CANX: variants seen among roughly 807,000 people sequenced by gnomAD.
The protein encoded by CANX is epididymis secretory sperm binding protein.
Under a neutral mutation model 75.7 loss-of-function variants are expected in CANX, and 14 were observed. The ratio of observed to expected loss-of-function variants is 0.19; its 90% confidence interval spans 0.12 to 0.29. CANX has a LOEUF of 0.29. Ranked by LOEUF, CANX falls within the 10% of genes least tolerant of loss-of-function variation. The pLI is 1.00. For missense variants in CANX, 567 were observed against 713.2 expected, an observed-to-expected ratio of 0.79 and a Z score of 2.34; for synonymous variants, 227 against 236.9, an observed-to-expected ratio of 0.96 and a Z score of 0.38.
rs1777424005 is a variant in CANX, at chr5:179,710,007, G to T, written c.663G>T (p.Arg221Ser). The T allele has an allele frequency of 1.2e-6, 2 of 1,612,360 alleles. No homozygotes were observed. Among genetic ancestry groups the T allele is most frequent in the African/African-American group, 1.3e-5 (1 of 74,802 alleles). The change falls in exon 7 of 15, where the codon AGG becomes AGT. Residue 221 changes from arginine to serine, a missense_variant. By Grantham distance (110) the Arg-to-Ser change is moderately radical. Transcript: ENST00000247461. The stretch of plus-strand genomic sequence containing the variant: ...TCTATGAAGAAAAACATGCTAAGAG[G>T]CCAGATGCAGATCTGAAGACCTATT... ...TGIYEEKHAK[R>S]PDADLKTYFT...
At chr5:179,705,989 A>G in intron 2 of CANX, 137 bp downstream of exon 2, 2 of 676,270 alleles carry the variant, frequency 3.0e-6, no homozygotes, top group Non-Finnish European at 5.1e-6. Flanking sequence ...TTGGCAACAC[A>G]GGGAGATATC....
rs1249521943 is a variant in CANX at position 179,706,279 on chromosome 5, C to G, written c.193C>G (p.Pro65Ala). 2 of 1,595,710 alleles carry G rather than the reference C, an allele frequency of 1.3e-6. No homozygotes were observed. Among genetic ancestry groups the G allele is most frequent in the Non-Finnish European group, 1.7e-6 (2 of 1,165,042 alleles). The stretch of plus-strand genomic sequence containing the variant: ...ACAGGTTACTTACAAAGCTCCAGTT[C>G]CAACAGGGGAAGTATATTTTGCTGA... ...SPKVTYKAPV[P>A]TGEVYFADSF... Residue 65 changes from proline to alanine, a missense_variant, in exon 3 of 15, where the codon CCA (proline) becomes GCA (alanine). Around this residue, in one of 3 missense-constraint regions of CANX, gnomAD observed 351 missense variants for 433.8 expected, o/e 0.81. Coordinates refer to ENST00000247461, the MANE Select transcript of CANX (RefSeq NM_001746.4).
chr5:179,731,035 G>T lies in CANX; in HGVS notation c.*2391G>T, dbSNP rs1778960673. ...GCCACTATGTGAGAGTTCACTACTAGGCAGAAACTATTATGGACAGTGAAA... is the reference window on the plus strand; with the variant it reads ...GCCACTATGTGAGAGTTCACTACTATGCAGAAACTATTATGGACAGTGAAA... On this transcript the variant is annotated 3_prime_UTR_variant, in exon 15 of 15. Transcript: ENST00000247461. 3 of 152,176 alleles carry T rather than the reference G, an allele frequency of 2.0e-5. No homozygotes were observed. In the South Asian group the frequency reaches 6.2e-4, roughly 32 times the overall value. The allele number at this position is 152,176 out of a possible 1,614,324, so 9.4% of individuals were successfully genotyped here.
At chr5:179,726,576 C>CAA (rs869102481) in intron 13 of CANX, 104 bp from the exon 14 acceptor site, 13,534 of 503,950 alleles carry the variant, frequency 0.027, no homozygotes, top group Non-Finnish European at 0.029. Context: ...ACTCTGTCTC[C>CAA]AAAAAAAAAA....
At chr5:179,728,300 T>G (rs1036513656) in intron 14 of CANX, among the ~76,000 whole-genome samples, 2 of 152,302 alleles carry the variant, frequency 1.3e-5, no homozygotes, top group African/African-American at 4.8e-5. Context: ...TGTTTGGGAT[T>G]AAGCAAGATT....
chr5:179,715,247 T>C (rs1045401153), intron 7 of CANX, among the ~76,000 whole-genome samples: 1 of 152,150 alleles, frequency 6.6e-6, no homozygotes, highest in Admixed American at 6.6e-5. Flanking sequence ...ATGGGGCCCA[T>C]GTGGCTGGGC....
intron 10 of CANX, among the ~76,000 whole-genome samples, chr5:179,720,761 TCTTTAA>T (rs1466135865): frequency 2.6e-5 from 4 of 152,066 alleles, no homozygotes; most frequent in East Asian, 1.9e-4. Context: ...TGAATAACTT[TCTTTAA>T]CTTTATTTAT....
chr5:179,682,191 GCA>G (rs1776080708), intron 1 of CANX, among the ~76,000 whole-genome samples: 1 of 150,354 alleles, frequency 6.7e-6, no homozygotes, highest in Non-Finnish European at 1.5e-5. Flanking sequence ...GGCAGAGGTT[GCA>G]ATGAGCGAAG....
At chr5:179,697,113 A>G (rs1776424062), upstream of CANX, among the ~76,000 whole-genome samples, 1 of 152,166 alleles carries the variant, frequency 6.6e-6, no homozygotes, top group Non-Finnish European at 1.5e-5. Flanking sequence ...GCTGGATGAA[A>G]TGCAGTGGCC....
At position 179,684,924 on chromosome 5, in the gene CANX, G is replaced by GTTTT. The variant is rs781629512; in HGVS notation, c.-4+6148_-4+6149insTTTT. ...TGTGCCACCACACCTGGCTAATTTTGTATTTTTTTTTTTTTTTTTTTTTTT... is the reference window on the plus strand; with the variant it reads ...TGTGCCACCACACCTGGCTAATTTTGTTTTTATTTTTTTTTTTTTTTTTTTTTTT... On this transcript the variant is annotated intron_variant, in intron 1 of 14. Transcript: ENST00000681674. 1.3e-3 allele frequency among the ~76,000 whole-genome samples: 37 copies of GTTTT among 28,990 alleles called. 6 individuals carry two copies. Among genetic ancestry groups the GTTTT allele is most frequent in the Non-Finnish European group, 2.0e-3 (30 of 14,740 alleles). 19.0% of individuals were successfully genotyped at this position (28,990 alleles called of 152,430 possible).
intron 7 of CANX, 93 bp downstream of exon 7, chr5:179,710,158 C>CAA (rs1370047051): frequency 1.3e-6 from 1 of 785,114 alleles, no homozygotes; most frequent in East Asian, 2.7e-5. Flanking sequence ...CACTGTGGCT[C>CAA]ACGCCTGTAA....
intron 14 of CANX, among the ~76,000 whole-genome samples, chr5:179,728,121 G>A (rs1434690219): frequency 1.3e-5 from 2 of 152,130 alleles, no homozygotes; most frequent in Non-Finnish European, 2.9e-5. Context: ...AGTTGCTGGT[G>A]CATTTAAAAA....
At chr5:179,689,679 C>T (rs1776266913) in intron 1 of CANX, among the ~76,000 whole-genome samples, 1 of 152,078 alleles carries the variant, frequency 6.6e-6, no homozygotes, top group Non-Finnish European at 1.5e-5. Flanking sequence ...CGTGAGCCAC[C>T]ACACCCGGCC....
At chr5:179,680,903 C>A in intron 1 of CANX, 2 of 1,536,798 alleles carry the variant, frequency 1.3e-6, no homozygotes, top group Non-Finnish European at 1.7e-6. Context: ...GGGAGATGGT[C>A]TCTGGAAGCC....
chr5:179,684,375 G>C (rs1478000632), intron 1 of CANX, among the ~76,000 whole-genome samples: 1 of 150,856 alleles, frequency 6.6e-6, no homozygotes. Context: ...GAGCCACAGG[G>C]CCCAGCTAGT....
intron 7 of CANX, among the ~76,000 whole-genome samples, chr5:179,710,559 T>C (rs1163544330): frequency 1.4e-5 from 2 of 146,100 alleles, no homozygotes; most frequent in African/African-American, 5.1e-5. Flanking sequence ...TACAAAAATA[T>C]TAGCCGGGCG....
intron 8 of CANX, among the ~76,000 whole-genome samples, 164 bp downstream of exon 8, chr5:179,716,458 T>C (rs1219171140): frequency 1.3e-5 from 2 of 152,168 alleles, no homozygotes; most frequent in Non-Finnish European, 2.9e-5. Flanking sequence ...AAAGGGGCCA[T>C]AGTGTAATCA....
chr5:179,715,531 C>CG (rs1329890311), intron 7 of CANX, among the ~76,000 whole-genome samples: 1 of 152,084 alleles, frequency 6.6e-6, no homozygotes, highest in African/African-American at 2.4e-5. Flanking sequence ...AAGCGAGACT[C>CG]TGTCTCAAAA....
chr5:179,694,746 G>A, upstream of CANX: 3 of 653,950 alleles, frequency 4.6e-6, no homozygotes, highest in South Asian at 3.2e-5. Flanking sequence ...AGACGAGGAG[G>A]AGATGAGGAG....
Sources: allele counts gnomAD v4.1 joint callset (sites outside exome capture counted in the v4.1 genomes callset), GRCh38; gene constraint gnomAD v4.1.1; regional missense constraint gnomAD v4.1.1; transcripts MANE v1.5; gene names NCBI Gene and HGNC (gene_info 2026-07-23, HGNC 2026-07-21).